The following PHLPP1 variants were observed in gnomAD, a reference collection of about 807,000 sequenced individuals.
The protein encoded by PHLPP1 is PH domain and leucine rich repeat protein phosphatase 1.
A neutral mutation model predicts 117.2 loss-of-function variants in PHLPP1; 42 were observed. The ratio of observed to expected loss-of-function variants is 0.36; its 90% CI spans 0.28 to 0.46. PHLPP1 has a LOEUF of 0.46. Ranked by LOEUF, PHLPP1 falls within the 20% of genes least tolerant of loss-of-function variation. PHLPP1 has a pLI of 1.00. For missense variants in PHLPP1, 2,084 were observed against 2,241.9 expected (o/e 0.93, Z 1.42); for synonymous variants, 1,042 against 970.7 (o/e 1.07, Z -1.37).
At chr18:62,791,100 A>T (rs1950506637) in intron 1 of PHLPP1, among the ~76,000 whole-genome samples, 1 of 152,106 alleles carries the variant, frequency 6.6e-6, no homozygotes, top group Non-Finnish European at 1.5e-5. Flanking sequence ...GACAGTTCCC[A>T]AGACAAGCAA....
intron 4 of PHLPP1, among the ~76,000 whole-genome samples, chr18:62,887,644 C>T (rs1395886487): frequency 6.6e-6 from 1 of 152,180 alleles, no homozygotes; most frequent in Non-Finnish European, 1.5e-5. Context: ...AAGGACAAAC[C>T]CTCATGACCT....
chr18:62,839,146 C>T (rs1862039979), intron 3 of PHLPP1: 5 of 454,528 alleles, frequency 1.1e-5, no homozygotes, highest in Non-Finnish European at 2.0e-5. Flanking sequence ...GGTCTGTAAA[C>T]AGGCATTACT....
chr18:62,972,969 G>A (rs1911096034), intron 15 of PHLPP1, among the ~76,000 whole-genome samples: 1 of 152,184 alleles, frequency 6.6e-6, no homozygotes, highest in Non-Finnish European at 1.5e-5. Context: ...GACCTCACTG[G>A]CCTGTGTTGA....
rs915096516 is a variant in PHLPP1, at chr18:62,842,643, C to T, written c.1899+3734C>T. On this transcript the variant is annotated intron_variant, in intron 3 of 16. Transcript: ENST00000262719. ...CCTCCCAAAGTGCTGGGATTACAGGCGTGAGCCACCGTGCCTGGCCTAGTA... is the reference window on the plus strand; with the variant it reads ...CCTCCCAAAGTGCTGGGATTACAGGTGTGAGCCACCGTGCCTGGCCTAGTA... Among the ~76,000 whole-genome samples, 18 of 152,238 alleles carry T rather than the reference C, an allele frequency of 1.2e-4. 1 individual carries two copies. In the South Asian group the frequency reaches 2.5e-3, roughly 21 times the overall value.
At chr18:62,801,765 A>G (rs1015521509) in intron 1 of PHLPP1, among the ~76,000 whole-genome samples, 1 of 151,914 alleles carries the variant, frequency 6.6e-6, no homozygotes, top group Admixed American at 6.6e-5. Context: ...GTTTGTTTTT[A>G]TGTCCATGGT....
At chr18:62,929,035 T>G (rs1223483280) in intron 10 of PHLPP1, among the ~76,000 whole-genome samples, 1 of 152,208 alleles carries the variant, frequency 6.6e-6, no homozygotes, top group Non-Finnish European at 1.5e-5. Context: ...TATGGAATGA[T>G]GAAACTGTTG....
intron 1 of PHLPP1, among the ~76,000 whole-genome samples, chr18:62,820,553 G>C (rs1914421978): frequency 6.6e-6 from 1 of 152,198 alleles, no homozygotes; most frequent in Non-Finnish European, 1.5e-5. Context: ...TCATGATGGT[G>C]AGTGAGTTCT....
intron 1 of PHLPP1, among the ~76,000 whole-genome samples, chr18:62,733,212 A>G (rs988017714): frequency 6.6e-6 from 1 of 152,214 alleles, no homozygotes; most frequent in Non-Finnish European, 1.5e-5. Flanking sequence ...AGAAATTGCC[A>G]CAGCCACTCC....
intron 10 of PHLPP1, among the ~76,000 whole-genome samples, chr18:62,927,730 G>A (rs931276274): frequency 6.6e-6 from 1 of 151,626 alleles, no homozygotes; most frequent in African/African-American, 2.4e-5. Flanking sequence ...ATGGAAGACA[G>A]ATCCAAAAGG....
At chr18:62,905,988 TA>T (rs1916839371) in intron 8 of PHLPP1, among the ~76,000 whole-genome samples, 1 of 151,904 alleles carries the variant, frequency 6.6e-6, no homozygotes, top group Non-Finnish European at 1.5e-5. Flanking sequence ...CAATGAATTT[TA>T]AAATTGCAAC....
chr18:62,803,126 G>C (rs1483430666), intron 1 of PHLPP1, among the ~76,000 whole-genome samples: 10 of 152,174 alleles, frequency 6.6e-5, no homozygotes, highest in Non-Finnish European at 1.5e-4. Flanking sequence ...TGTTCTGGAA[G>C]ACTATGCTCT....
intron 3 of PHLPP1, among the ~76,000 whole-genome samples, chr18:62,855,913 A>G (rs997709796): frequency 2.0e-5 from 3 of 152,198 alleles, no homozygotes; most frequent in African/African-American, 7.2e-5. Flanking sequence ...TTCCAGCAAG[A>G]TGTTTTGAGG....
chr18:62,941,756 G>C lies in PHLPP1; in HGVS notation c.2999G>C (p.Ser1000Thr), dbSNP rs755676339. ...AACGCCTCTGCGAACAAACTGGAAA[G>C]CCTTCCTCCAGCCACGCTTTCCGAA... ...FLNASANKLE[S>T]LPPATLSEET... is the part of the protein sequence containing the mutation. Residue 1000 changes from serine (S) to threonine (T), a missense_variant, in exon 11 of 17, where the codon AGC (serine) becomes ACC (threonine). Coordinates refer to ENST00000262719, the MANE Select transcript of PHLPP1 (RefSeq NM_194449.4). The C allele has an allele frequency of 1.2e-6, 2 of 1,613,740 alleles. No homozygotes were observed. The highest frequency in any genetic ancestry group is 2.7e-5 in the African/African-American group (2 of 74,940).
chr18:62,897,941 AT>A, intron 6 of PHLPP1, among the ~76,000 whole-genome samples: 1 of 109,042 alleles, frequency 9.2e-6, no homozygotes, highest in South Asian at 2.9e-4. Flanking sequence ...CAGATTGATT[AT>A]TTTTTTCTTT....
chr18:62,915,093 T>C, intron 9 of PHLPP1, 85 bp downstream of exon 9: 1 of 965,896 alleles, frequency 1.0e-6, no homozygotes, highest in South Asian at 1.5e-5. Flanking sequence ...CTTGGTATCA[T>C]AAGCCTAAAA....
intron 1 of PHLPP1, among the ~76,000 whole-genome samples, chr18:62,773,555 T>G (rs1912860088): frequency 6.6e-6 from 1 of 152,218 alleles, no homozygotes; most frequent in Non-Finnish European, 1.5e-5. Context: ...ACATGCCAGA[T>G]TTTTAGGGAG....
At chr18:62,772,964 CA>C (rs1202205905) in intron 1 of PHLPP1, among the ~76,000 whole-genome samples, 4 of 151,414 alleles carry the variant, frequency 2.6e-5, no homozygotes, top group African/African-American at 7.3e-5. Context: ...CCCACCCCCC[CA>C]AAAAAAACTC....
chr18:62,974,905 G>A (rs1599149330), intron 15 of PHLPP1, among the ~76,000 whole-genome samples: 1 of 152,338 alleles, frequency 6.6e-6, no homozygotes, highest in East Asian at 1.9e-4. Flanking sequence ...TTATAAGGGG[G>A]AGAGGGTTGT....
intron 1 of PHLPP1, among the ~76,000 whole-genome samples, chr18:62,748,538 G>A (rs151109824): frequency 8.1e-4 from 124 of 152,254 alleles, no homozygotes; most frequent in African/African-American, 2.5e-3. Flanking sequence ...GAGCCACCAC[G>A]CCCCGCCCAA....
Sources: allele counts gnomAD v4.1 joint callset (sites outside exome capture counted in the v4.1 genomes callset), GRCh38; gene constraint gnomAD v4.1.1; transcripts MANE v1.5; gene names NCBI Gene and HGNC (gene_info 2026-07-23, HGNC 2026-07-21).